Variants in DIO1 observed in about 807,000 individuals in gnomAD.
DIO1 encodes type I iodothyronine deiodinase.
A neutral mutation model predicts 25.9 loss-of-function variants in DIO1; 17 were observed. The observed-to-expected ratio is 0.66, with a 90% CI of 0.45 to 0.98. The LOEUF (loss-of-function observed/expected upper bound fraction) is 0.98, where lower values mean the gene tolerates loss of function less well. Among genes scored for constraint, DIO1 ranks in the 50% least tolerant of loss-of-function variants. The pLI, the probability that DIO1 is intolerant of heterozygous loss-of-function variation, is 0.00. For synonymous variants in DIO1, 115 were observed against 114.0 expected (o/e 1.01, Z -0.05); for missense variants, 270 against 310.4 (o/e 0.87, Z 0.98).
In DIO1 at chr1:53,902,652, C is replaced by T. The variant is rs558646498; in HGVS notation, c.338-2014C>T. On this transcript the variant is annotated intron_variant, in intron 1 of 3. Coordinates refer to ENST00000361921, the MANE Select transcript of DIO1 (RefSeq NM_000792.7). ...TGGTAAGGGCTCAACAATGTCAGCT[C>T]TGGCCGTAAGAAACCACAGGAGGCC... Among the ~76,000 whole-genome samples the T allele has an allele frequency of 1.1e-4, 16 of 151,822 alleles. No homozygotes were observed. The South Asian group carries it at 2.1e-3, about 20-fold the overall frequency.
intron 1 of DIO1, among the ~76,000 whole-genome samples, chr1:53,898,772 T>C (rs1475632193): frequency 1.4e-5 from 2 of 146,284 alleles, no homozygotes; most frequent in South Asian, 4.3e-4. Context: ...AAGAGACATG[T>C]TGTAACTACT....
chr1:53,904,838 C>A (rs1276610868), intron 2 of DIO1, 29 bp downstream of exon 2: 13 of 1,596,034 alleles, frequency 8.1e-6, no homozygotes, highest in Non-Finnish European at 1.1e-5. Flanking sequence ...CCTCTTCTAC[C>A]TCTTCCCACT....
At chr1:53,907,772 G>C (rs941735319) in intron 3 of DIO1, among the ~76,000 whole-genome samples, 1 of 150,368 alleles carries the variant, frequency 6.7e-6, no homozygotes, top group East Asian at 2.0e-4. Context: ...TTAGCCAGGC[G>C]TGGTGGCGCA....
At chr1:53,899,919 C>T (rs1651268369) in intron 1 of DIO1, among the ~76,000 whole-genome samples, 1 of 152,142 alleles carries the variant, frequency 6.6e-6, no homozygotes, top group African/African-American at 2.4e-5. Flanking sequence ...GAGTGACTCT[C>T]TGGGGTCATT....
At chr1:53,899,857 A>G (rs11206240) in intron 1 of DIO1, among the ~76,000 whole-genome samples, 34,513 of 151,790 alleles carry the variant, frequency 0.23, 4,159 homozygotes, top group African/African-American at 0.3. Context: ...TTTAAGAGAC[A>G]GGGTCCTGCT....
Position 53,903,636 on chromosome 1 carries a change from G to A in DIO1, c.338-1030G>A, listed in dbSNP as rs181380138. Among the ~76,000 whole-genome samples, 3 of 151,800 alleles carry A rather than the reference G, an allele frequency of 2.0e-5. 1 individual carries two copies. The highest frequency in any genetic ancestry group is 6.6e-5 in the Admixed American group (1 of 15,260). On this transcript the variant is annotated intron_variant, in intron 1 of 3. Transcript: ENST00000361921. ...GGCCGAGGCCGGCGGATCACTTGAGGTCAGGAGTCTGAGACCAGCCTGGCC... is the reference window on the plus strand; with the variant it reads ...GGCCGAGGCCGGCGGATCACTTGAGATCAGGAGTCTGAGACCAGCCTGGCC...
intron 3 of DIO1, among the ~76,000 whole-genome samples, chr1:53,909,132 A>C (rs550134857): frequency 6.8e-6 from 1 of 147,252 alleles, no homozygotes; most frequent in Non-Finnish European, 1.5e-5. Context: ...CACTGGTTCC[A>C]TGGCCGGGCG....
intron 3 of DIO1, among the ~76,000 whole-genome samples, chr1:53,906,983 A>T (rs750742255): frequency 6.6e-6 from 1 of 152,126 alleles, no homozygotes; most frequent in Non-Finnish European, 1.5e-5. Flanking sequence ...ATGTTCAGAG[A>T]GGGGAATTGA....
At chr1:53,908,221 C>CA (rs140832066) in intron 3 of DIO1, among the ~76,000 whole-genome samples, 16,420 of 138,450 alleles carry the variant, frequency 0.12, 1,088 homozygotes, top group Middle Eastern at 0.25. Flanking sequence ...GACTCCGTCT[C>CA]AAAAAAAAAA....
intron 1 of DIO1, among the ~76,000 whole-genome samples, chr1:53,903,949 TTATGCAGCTGGTCCTGC>T (rs1651510861): frequency 6.6e-6 from 1 of 151,122 alleles, no homozygotes; most frequent in African/African-American, 2.5e-5. Context: ...GCCCAGCAAA[TTATGCAGCTGGTCCTGC>T]TCCTAGCATT....
At chr1:53,909,868 A>G in intron 3 of DIO1, 63 bp from the exon 4 acceptor site, 1 of 1,531,138 alleles carries the variant, frequency 6.5e-7, no homozygotes, top group South Asian at 1.1e-5. Context: ...CTCCAGACCT[A>G]CATGTTCCTT....
intron 3 of DIO1, 31 bp from the exon 4 acceptor site, chr1:53,909,900 G>A (rs1651860649): frequency 3.1e-6 from 5 of 1,611,414 alleles, no homozygotes; most frequent in Non-Finnish European, 4.2e-6. Context: ...ATCCTTACAA[G>A]TTGGGAATGC....
At chr1:53,899,512 C>T (rs1244877011) in intron 1 of DIO1, among the ~76,000 whole-genome samples, 1 of 152,180 alleles carries the variant, frequency 6.6e-6, no homozygotes, top group Non-Finnish European at 1.5e-5. Flanking sequence ...AAACTTTGCC[C>T]TCAATACTGA....
chr1:53,898,085 G>A (rs191702436), intron 1 of DIO1, among the ~76,000 whole-genome samples: 1 of 152,270 alleles, frequency 6.6e-6, no homozygotes, highest in East Asian at 1.9e-4. Flanking sequence ...GGCACTGGGG[G>A]CAGGAACCCT....
Position 53,910,132 on chromosome 1 carries a change from A to G in DIO1, c.*133A>G, listed in dbSNP as rs905274943. On this transcript the variant is annotated 3_prime_UTR_variant, in exon 4 of 4. Transcript: ENST00000361921. ...TCACTAGCTCAGATTTTTCTGATCT[A>G]AGCAAACAACTCCCAGCTGAGGAAT... 4.0e-6 allele frequency: 3 copies of G among 744,528 alleles called. No homozygotes were observed. The highest frequency in any genetic ancestry group is 3.5e-5 in the African/African-American group (2 of 57,966). The allele number at this position is 744,528 out of a possible 1,614,324, so 46.1% of individuals were successfully genotyped here.
chr1:53,898,885 A>T (rs1162794730), intron 1 of DIO1, among the ~76,000 whole-genome samples: 1 of 152,210 alleles, frequency 6.6e-6, no homozygotes, highest in Non-Finnish European at 1.5e-5. Context: ...TTTACTGATA[A>T]TCTAAAGCAA....
intron 1 of DIO1, among the ~76,000 whole-genome samples, chr1:53,897,146 T>C (rs982725378): frequency 6.6e-5 from 10 of 152,256 alleles, no homozygotes; most frequent in Non-Finnish European, 1.2e-4. Flanking sequence ...ATCATGTAAC[T>C]GTCCACTTTC....
chr1:53,895,629 G>A (rs1255204459), intron 1 of DIO1, among the ~76,000 whole-genome samples: 2 of 152,110 alleles, frequency 1.3e-5, no homozygotes, highest in African/African-American at 2.4e-5. Flanking sequence ...TCTTCTCTGA[G>A]TACATACCAG....
rs553546263 is a variant in DIO1, at chr1:53,909,603, G to T, written c.682-328G>T. Among the ~76,000 whole-genome samples the T allele has an allele frequency of 3.2e-4, 49 of 152,320 alleles. 1 individual carries two copies. In the Middle Eastern group the frequency reaches 0.01, roughly 32 times the overall value. On this transcript the variant is annotated intron_variant, in intron 3 of 3. Coordinates refer to ENST00000361921, the MANE Select transcript of DIO1 (RefSeq NM_000792.7). ...AGGTAGGATGGGTAGAACTTGATGT[G>T]AAGGCTGGAGAAGATTAGGCCAGTC...
Sources: allele counts gnomAD v4.1 joint callset (sites outside exome capture counted in the v4.1 genomes callset), GRCh38; gene constraint gnomAD v4.1.1; transcripts MANE v1.5; gene names NCBI Gene and HGNC (gene_info 2026-07-23, HGNC 2026-07-21).